The following ANK3 variants were observed in gnomAD, a reference collection of about 807,000 sequenced individuals.
ANK3 encodes ankyrin-3.
Under a neutral mutation model 370.9 loss-of-function variants are expected in ANK3, and 57 were observed. The observed-to-expected ratio is 0.15, with a 90% confidence interval of 0.12 to 0.19. ANK3 has a LOEUF of 0.19. ANK3 is among the 10% of genes least tolerant of loss of function. The pLI, the probability that ANK3 is intolerant of heterozygous loss-of-function variation, is 1.00. For missense variants in ANK3, 4,439 were observed against 5,302.1 expected, an observed-to-expected ratio of 0.84 and a Z score of 5.06; for synonymous variants, 1,929 against 1,946.3, an observed-to-expected ratio of 0.99 and a Z score of 0.23.
chr10:60,466,951 G>T (rs539017237), intron 2 of ANK3, among the ~76,000 whole-genome samples: 4 of 152,264 alleles, frequency 2.6e-5, no homozygotes, highest in African/African-American at 9.6e-5. Context: ...CTGCTAATAG[G>T]AGTAGTGTTC....
At chr10:60,384,911 G>A (rs1470221109) in intron 1 of ANK3, among the ~76,000 whole-genome samples, 1 of 151,992 alleles carries the variant, frequency 6.6e-6, no homozygotes, top group Non-Finnish European at 1.5e-5. Context: ...AATATCTTTG[G>A]TATGCAACAC....
At position 60,406,193 on chromosome 10, in the gene ANK3, C is replaced by T. The variant is rs76651521; in HGVS notation, c.97-126554G>A. ...CATACATAATACCACAACAATTGAA[C>T]TCTGCTTTTGTAGCATGAAAACAGC... On this transcript the variant is annotated intron_variant, in intron 2 of 43. Coordinates refer to the ANK3 transcript ENST00000373827. Among the ~76,000 whole-genome samples, 922 of 152,288 alleles carry T rather than the reference C, an allele frequency of 6.1e-3. 8 individuals carry two copies. Among genetic ancestry groups the T allele is most frequent in the Non-Finnish European group, 8.9e-3 (606 of 68,026 alleles).
At chr10:60,397,458 T>A (rs952572702) in intron 2 of ANK3, among the ~76,000 whole-genome samples, 2 of 152,198 alleles carry the variant, frequency 1.3e-5, no homozygotes, top group Non-Finnish European at 2.9e-5. Context: ...TTCCCTATCT[T>A]ACTAGTGTGT....
At chr10:60,179,040 A>G (rs961834083) in intron 18 of ANK3, among the ~76,000 whole-genome samples, 9 of 152,144 alleles carry the variant, frequency 5.9e-5, no homozygotes, top group African/African-American at 2.2e-4. Flanking sequence ...TATTTTTATT[A>G]TTATTAATTA....
rs2083391363 is a variant in ANK3, at chr10:60,074,580, A to C, written c.6301T>G (p.Ser2101Ala). The C allele has an allele frequency of 6.2e-7, 1 of 1,614,032 alleles. No homozygotes were observed. The highest frequency in any genetic ancestry group is 1.1e-5 in the South Asian group (1 of 91,084). Residue 2101 changes from serine (S) to alanine (A), a missense_variant, in exon 37 of 44, where the codon TCC becomes GCC. Ser to Ala is a moderately conservative substitution (Grantham distance 99). This residue lies in a region of ANK3 where 679 missense variants were observed against 791.0 expected (regional missense o/e 0.86). Transcript: ENST00000280772. ...AAAATAGTATCTGTTCCAAAAAAGG[A>C]ATCAGCCATTTTACACAATTCTTTC... ...SEKELCKMADSFFGTDTILES... is the reference protein window; with the variant it reads ...SEKELCKMADAFFGTDTILES...
chr10:60,205,690 T>C, intron 11 of ANK3, 102 bp downstream of exon 11: 1 of 832,896 alleles, frequency 1.2e-6, no homozygotes, highest in Non-Finnish European at 2.1e-6. Context: ...GGCCATGATA[T>C]GCAAACAAAC....
intron 2 of ANK3, among the ~76,000 whole-genome samples, chr10:60,398,929 T>G (rs1158597181): frequency 6.6e-6 from 1 of 152,220 alleles, no homozygotes; most frequent in African/African-American, 2.4e-5. Flanking sequence ...TAGGAAGTTC[T>G]GATGCTTTAT....
At chr10:60,051,409 T>C in intron 42 of ANK3, 2 of 766,068 alleles carry the variant, frequency 2.6e-6, no homozygotes, top group South Asian at 5.9e-5. Context: ...AAGGAGTTTC[T>C]ACAACCACAA....
chr10:60,298,941 C>T (rs1261778867), intron 1 of ANK3, among the ~76,000 whole-genome samples: 1 of 152,130 alleles, frequency 6.6e-6, no homozygotes, highest in African/African-American at 2.4e-5. Flanking sequence ...ACTAATGGAA[C>T]AGAATACACA....
intron 42 of ANK3, among the ~76,000 whole-genome samples, chr10:60,052,748 T>C (rs1033590106): frequency 2.6e-5 from 4 of 152,176 alleles, no homozygotes; most frequent in Non-Finnish European, 4.4e-5. Context: ...TACTTTATCT[T>C]TGAAGTTAAT....
At chr10:60,216,228 T>G (rs1267054026) in intron 8 of ANK3, among the ~76,000 whole-genome samples, 1 of 152,214 alleles carries the variant, frequency 6.6e-6, no homozygotes, top group Non-Finnish European at 1.5e-5. Flanking sequence ...ATAATTTGAC[T>G]TCCTCTCTTC....
chr10:60,685,589 G>A (rs979651857), intron 1 of ANK3, among the ~76,000 whole-genome samples: 3 of 152,178 alleles, frequency 2.0e-5, no homozygotes, highest in Admixed American at 2.0e-4. Context: ...CTCATGAAGA[G>A]AAGGCTGGCA....
chr10:60,460,224 CA>C (rs2064848404), intron 2 of ANK3, among the ~76,000 whole-genome samples: 1 of 152,120 alleles, frequency 6.6e-6, no homozygotes, highest in Admixed American at 6.6e-5. Context: ...TATAGGGAAT[CA>C]CTTGCCGTCA....
At chr10:60,301,123 GATATAT>G (rs34302629) in intron 1 of ANK3, among the ~76,000 whole-genome samples, 3 of 135,218 alleles carry the variant, frequency 2.2e-5, no homozygotes, top group Admixed American at 7.6e-5. Flanking sequence ...GAATACTTCC[GATATAT>G]ATATATATAT....
intron 1 of ANK3, among the ~76,000 whole-genome samples, chr10:60,725,998 CA>C (rs1319518967): frequency 6.6e-6 from 1 of 152,118 alleles, no homozygotes; most frequent in Non-Finnish European, 1.5e-5. Context: ...AATTGTACAG[CA>C]AATATGCACA....
chr10:60,438,931 C>T (rs1567041689), intron 2 of ANK3, among the ~76,000 whole-genome samples: 1 of 152,152 alleles, frequency 6.6e-6, no homozygotes, highest in African/African-American at 2.4e-5. Context: ...AACATCTCTC[C>T]CCTAAGAGTC....
At chr10:60,172,865 C>G in intron 20 of ANK3, 35 bp downstream of exon 20, 2 of 1,429,690 alleles carry the variant, frequency 1.4e-6, no homozygotes, top group Non-Finnish European at 2.0e-6. Flanking sequence ...CATCTATCTC[C>G]TCCCTCTTCT....
chr10:60,095,427 C>T (rs2089903940), intron 28 of ANK3, among the ~76,000 whole-genome samples: 1 of 152,204 alleles, frequency 6.6e-6, no homozygotes, highest in African/African-American at 2.4e-5. Context: ...GTCACTTTGG[C>T]TGGAATGCAG....
At chr10:60,136,168 T>C (rs963833121) in intron 24 of ANK3, among the ~76,000 whole-genome samples, 1 of 151,960 alleles carries the variant, frequency 6.6e-6, no homozygotes. Context: ...TCAAATACAG[T>C]AGAAGCTTCC....
Sources: gnomAD v4.1 joint callset for allele counts (sites outside exome capture counted in the v4.1 genomes callset) on GRCh38, gnomAD v4.1.1 for gene constraint, gnomAD v4.1.1 regional missense constraint, MANE v1.5 for transcripts, NCBI Gene and HGNC (gene_info 2026-07-23, HGNC 2026-07-21) for gene names.